Variants in ANKRD66 observed in about 807,000 individuals in gnomAD.
ANKRD66 encodes ankyrin repeat domain-containing protein 66.
In ANKRD66, 10 loss-of-function variants were observed where a neutral mutation model predicts 10.9. The ratio of observed to expected loss-of-function variants is 0.91; its 90% confidence interval spans 0.56 to 1.55. The LOEUF is 1.55. Ranked by LOEUF, ANKRD66 falls within the 40% of genes most tolerant of loss-of-function variation. The pLI is 0.00. For missense variants in ANKRD66, 252 were observed against 242.9 expected (o/e 1.04, Z -0.25); for synonymous variants, 85 against 88.4 (o/e 0.96, Z 0.22).
chr6:46,752,377 G>A (rs1355993332), intron 3 of ANKRD66, among the ~76,000 whole-genome samples: 3 of 152,276 alleles, frequency 2.0e-5, no homozygotes, highest in Non-Finnish European at 4.4e-5. Flanking sequence ...TGGGATTACA[G>A]GCATGTGCCA....
intron 1 of ANKRD66, among the ~76,000 whole-genome samples, chr6:46,749,489 G>A (rs1766216352): frequency 1.4e-5 from 2 of 148,022 alleles, no homozygotes; most frequent in African/African-American, 2.5e-5. Context: ...GGGTGGAGCA[G>A]GAGTTTTCTT....
intron 1 of ANKRD66, among the ~76,000 whole-genome samples, chr6:46,749,275 T>C (rs1200669790): frequency 1.3e-5 from 2 of 152,188 alleles, no homozygotes; most frequent in Non-Finnish European, 2.9e-5. Context: ...CCTCCATGTC[T>C]CCTGCCAACT....
intron 1 of ANKRD66, among the ~76,000 whole-genome samples, chr6:46,748,484 C>G (rs1403529817): frequency 6.6e-6 from 1 of 152,154 alleles, no homozygotes; most frequent in Non-Finnish European, 1.5e-5. Flanking sequence ...TAGTGGCACC[C>G]TCAGATTAGA....
chr6:46,753,626 T>C, intron 3 of ANKRD66, 96 bp from the exon 4 acceptor site: 2 of 1,224,406 alleles, frequency 1.6e-6, no homozygotes, highest in South Asian at 1.7e-5. Context: ...AGGCAAAGTT[T>C]CCCCTTCTAT....
chr6:46,756,978 C>T (rs964213705), intron 4 of ANKRD66: 2 of 152,170 alleles, frequency 1.3e-5, no homozygotes, highest in African/African-American at 4.8e-5. Context: ...CCAGCCCCTC[C>T]CTAGTGACCA....
intron 1 of ANKRD66, among the ~76,000 whole-genome samples, chr6:46,748,849 C>T (rs1766200206): frequency 6.6e-6 from 1 of 152,198 alleles, no homozygotes; most frequent in African/African-American, 2.4e-5. Context: ...AAAGATATTG[C>T]TACTCAGAGT....
At chr6:46,747,095 C>A (rs1766160527) in intron 1 of ANKRD66, 105 bp downstream of exon 1, 5 of 1,146,118 alleles carry the variant, frequency 4.4e-6, no homozygotes, top group Non-Finnish European at 6.1e-6. Flanking sequence ...GATTTCCTAT[C>A]TTTATGGTAG....
In ANKRD66 at chr6:46,758,929, A is replaced by AC; in HGVS notation, c.*10dup. On this transcript the variant is annotated 3_prime_UTR_variant, in exon 5 of 5. Coordinates refer to ENST00000565422, the MANE Select transcript of ANKRD66 (RefSeq NM_001162435.3). Reference sequence around the variant, plus strand: ...AAGGGGAGGAGAGTATGAGAACTCAACCTTATGTTTTCTGGCAAGGAACTT... The same window carrying AC: ...AAGGGGAGGAGAGTATGAGAACTCAACCCTTATGTTTTCTGGCAAGGAACTT... 2 of 1,532,586 alleles carry AC rather than the reference A, an allele frequency of 1.3e-6. No individual in the cohort carries two copies. The highest frequency in any genetic ancestry group is 1.8e-6 in the Non-Finnish European group (2 of 1,137,908). 94.9% of individuals were successfully genotyped at this position (1,532,586 alleles called of 1,614,324 possible).
At chr6:46,757,853 A>G (rs1582608681) in intron 4 of ANKRD66, 1 of 152,358 alleles carries the variant, frequency 6.6e-6, no homozygotes, top group Non-Finnish European at 1.5e-5. Context: ...GCTGGACATC[A>G]AGAAGGTTAA....
Position 46,758,820 on chromosome 6 carries a change from C to T in ANKRD66, c.490C>T (p.Leu164=). The change falls in exon 5 of 5, where the codon CTG becomes TTG. Residue 164 remains leucine (L), a synonymous_variant. Transcript: ENST00000565422. ...AGACTGGGATGCCAAGAAAAGGGAG[C>T]TGGAGCTGTCTCTTCCTTCCCTAAA... The part of the protein sequence containing the change: ...DEDWDAKKRE[L]ELSLPSLNQN... 1.9e-6 allele frequency: 3 copies of T among 1,551,542 alleles called. No individual in the cohort carries two copies. Among genetic ancestry groups the T allele is most frequent in the Non-Finnish European group, 8.7e-7 (1 of 1,146,898 alleles).
intron 4 of ANKRD66, chr6:46,757,525 C>A: frequency 6.6e-6 from 1 of 152,150 alleles, no homozygotes. Flanking sequence ...GAGGAGTTGG[C>A]AGTGGTACTG....
At chr6:46,751,138 GGT>G (rs1171117610) in intron 2 of ANKRD66, among the ~76,000 whole-genome samples, 3 of 152,282 alleles carry the variant, frequency 2.0e-5, no homozygotes, top group Admixed American at 1.3e-4. Context: ...CTGAGTGTGT[GGT>G]GAATGGCATG....
chr6:46,747,462 A>C (rs1454858409), intron 1 of ANKRD66, among the ~76,000 whole-genome samples: 2 of 152,154 alleles, frequency 1.3e-5, no homozygotes, highest in Non-Finnish European at 1.5e-5. Flanking sequence ...TCCCCACCCC[A>C]ACCTCCATCG....
intron 3 of ANKRD66, among the ~76,000 whole-genome samples, chr6:46,753,196 A>G (rs1482444596): frequency 1.3e-5 from 2 of 152,200 alleles, no homozygotes. Flanking sequence ...TTTGCAAATG[A>G]GGAAATTGGC....
chr6:46,753,910 C>A lies in ANKRD66; in HGVS notation c.352C>A (p.Gln118Lys), dbSNP rs1385038132. The stretch of plus-strand genomic sequence containing the variant: ...TGGAGACACACCGAAGAGGATTGCA[C>A]AGATCTATGGACAGAAAGCCTGTGT... ...FFGDTPKRIA[Q>K]IYGQKACVAF... The change falls in exon 4 of 5, where the codon CAG becomes AAG. Residue 118 changes from glutamine (Q) to lysine (K), a missense_variant. Coordinates refer to ENST00000565422, the MANE Select transcript of ANKRD66 (RefSeq NM_001162435.3). The A allele has an allele frequency of 6.4e-7, 1 of 1,551,510 alleles. No individual in the cohort carries two copies. The highest frequency in any genetic ancestry group is 1.4e-5 in the African/African-American group (1 of 73,004).
In ANKRD66 at chr6:46,751,924, G is replaced by A. The variant is rs1252627664; in HGVS notation, c.-12-13G>A. The A allele has an allele frequency of 4.9e-6, 7 of 1,422,202 alleles. No individual in the cohort carries two copies. Among genetic ancestry groups the A allele is most frequent in the East Asian group, 2.9e-5 (1 of 34,734 alleles). 88.1% of individuals were successfully genotyped at this position (1,422,202 alleles called of 1,614,324 possible). A position where few individuals can be genotyped will look rare whatever the true frequency, so the allele number is the denominator to read the frequency against. On this transcript the variant is annotated splice_polypyrimidine_tract_variant and intron_variant, in intron 2 of 4. Transcript: ENST00000565422. The stretch of plus-strand genomic sequence containing the variant: ...TTACATAGAATTTCCTAAGTGGCAT[G>A]TCTCTCCCACAGTTGTTTTCTGCCA...
Position 46,749,923 on chromosome 6 carries a change from C to T in ANKRD66, c.-69C>T. 17 of 1,550,516 alleles carry T rather than the reference C, an allele frequency of 1.1e-5. 1 individual carries two copies. Among genetic ancestry groups the T allele is most frequent in the Non-Finnish European group, 1.2e-5 (14 of 1,146,088 alleles). ...CTGTTCTCACATTTCAATGCACTCA[C>T]CTGGAGGGCTTACCACAACAAAGAT... is the stretch of plus-strand genomic sequence containing the variant. On this transcript the variant is annotated 5_prime_UTR_variant, in exon 2 of 5. Coordinates refer to ENST00000565422, the MANE Select transcript of ANKRD66 (RefSeq NM_001162435.3).
At chr6:46,749,860 T>C in intron 1 of ANKRD66, 36 bp from the exon 2 acceptor site, 1 of 1,540,030 alleles carries the variant, frequency 6.5e-7, no homozygotes. Flanking sequence ...GGGCATTGCA[T>C]TTTAATTACG....
intron 1 of ANKRD66, among the ~76,000 whole-genome samples, chr6:46,749,562 C>CCCG (rs1554185851): frequency 1.0e-5 from 1 of 97,764 alleles, no homozygotes; most frequent in African/African-American, 3.9e-5. Flanking sequence ...CCCCCCCCCC[C>CCCG]CCCCCGCTTT....
Sources: allele counts gnomAD v4.1 joint callset (sites outside exome capture counted in the v4.1 genomes callset), GRCh38; gene constraint gnomAD v4.1.1; transcripts MANE v1.5; gene names NCBI Gene and HGNC (gene_info 2026-07-23, HGNC 2026-07-21).